The following CNTN4 variants were observed in gnomAD, a reference collection of about 807,000 sequenced individuals.
The protein encoded by CNTN4 is contactin-4.
A neutral mutation model predicts 122.5 loss-of-function variants in CNTN4; 77 were observed. The observed-to-expected ratio is 0.63, with a 90% confidence interval of 0.52 to 0.76. The LOEUF (loss-of-function observed/expected upper bound fraction) is 0.76. CNTN4 is among the 30% of genes least tolerant of loss of function. The pLI, the probability that CNTN4 is intolerant of heterozygous loss-of-function variation, is 0.00. For synonymous variants in CNTN4, 512 were observed against 447.0 expected (o/e 1.15, Z -1.83); for missense variants, 1,256 against 1,259.1 (o/e 1.00, Z 0.04).
At chr3:2,299,013 C>G (rs1449753034) in intron 2 of CNTN4, among the ~76,000 whole-genome samples, 1 of 7,456 alleles carries the variant, frequency 1.3e-4, no homozygotes, top group Non-Finnish European at 4.6e-3. Context: ...TCAAATTTCA[C>G]CTGTCGGGGG....
intron 3 of CNTN4, among the ~76,000 whole-genome samples, chr3:2,370,130 C>G (rs1309681049): frequency 1.3e-5 from 2 of 152,144 alleles, no homozygotes; most frequent in Non-Finnish European, 2.9e-5. Flanking sequence ...TCTCTCTGCT[C>G]TCTTTAATAC....
intron 2 of CNTN4, among the ~76,000 whole-genome samples, chr3:2,241,374 C>G (rs908322951): frequency 6.6e-6 from 1 of 152,118 alleles, no homozygotes; most frequent in African/African-American, 2.4e-5. Flanking sequence ...TATTTCTCCG[C>G]TTTTCTAATC....
chr3:2,814,062 G>A (rs528146613), intron 6 of CNTN4, among the ~76,000 whole-genome samples: 1 of 152,224 alleles, frequency 6.6e-6, no homozygotes, highest in South Asian at 2.1e-4. Flanking sequence ...ACATTCCATA[G>A]GAGAATAAAG....
intron 7 of CNTN4, among the ~76,000 whole-genome samples, chr3:2,855,002 A>G (rs955241432): frequency 6.6e-6 from 1 of 152,248 alleles, no homozygotes; most frequent in African/African-American, 2.4e-5. Context: ...AAATTTTCCT[A>G]CGAAATATAT....
In CNTN4 at chr3:2,230,782, C is replaced by T. The variant is rs145802531; in HGVS notation, c.-144-108396C>T. ...GATGGATTGCTTGAGCCCAGGAGTT[C>T]GAGACCAGCATGGGCAACATAGCAA... On this transcript the variant is annotated intron_variant, in intron 2 of 24. Coordinates refer to ENST00000418658, the MANE Select transcript of CNTN4 (RefSeq NM_175607.3). Among the ~76,000 whole-genome samples, 237 of 152,004 alleles carry T rather than the reference C, an allele frequency of 1.6e-3. 2 individuals are homozygous for T. Among genetic ancestry groups the T allele is most frequent in the African/African-American group, 5.4e-3 (222 of 41,438 alleles).
intron 2 of CNTN4, among the ~76,000 whole-genome samples, chr3:2,331,699 T>C (rs945060501): frequency 1.3e-5 from 2 of 152,078 alleles, no homozygotes; most frequent in Admixed American, 6.6e-5. Flanking sequence ...ATTCCTTGTC[T>C]ATGAGGAACA....
intron 3 of CNTN4, among the ~76,000 whole-genome samples, chr3:2,504,973 A>C (rs903248393): frequency 6.6e-6 from 1 of 152,212 alleles, no homozygotes; most frequent in African/African-American, 2.4e-5. Flanking sequence ...CAGAAACAGG[A>C]AACAAACAAA....
chr3:2,607,936 G>A (rs918993194), intron 4 of CNTN4, among the ~76,000 whole-genome samples: 2 of 152,078 alleles, frequency 1.3e-5, no homozygotes, highest in Admixed American at 1.3e-4. Flanking sequence ...AGCTGTATTT[G>A]ATCACTTCTG....
rs1431715415 is a variant in CNTN4 at position 2,600,005 on chromosome 3, CTTCTTTTTTTTTT to C, written c.55+28450_55+28462del. On this transcript the variant is annotated intron_variant, in intron 4 of 24. Coordinates refer to ENST00000418658, the MANE Select transcript of CNTN4 (RefSeq NM_175607.3). ...CAACTCTATTTTGGTTTATGGAATTCTTCTTTTTTTTTTTTTTTTTTTTTTTTTTTGCCAAAAC... is the reference window on the plus strand; with the variant it reads ...CAACTCTATTTTGGTTTATGGAATTCTTTTTTTTTTTTTTTTTGCCAAAAC... 8.3e-3 allele frequency among the ~76,000 whole-genome samples: 236 copies of C among 28,300 alleles called. 6 individuals carry two copies. The highest frequency in any genetic ancestry group is 0.015 in the Non-Finnish European group (159 of 10,610). The allele number at this position is 28,300 out of a possible 152,430, so 18.6% of individuals were successfully genotyped here. A position where few individuals can be genotyped will look rare whatever the true frequency, so the allele number is the denominator to read the frequency against.
In CNTN4 at chr3:2,747,235, G is replaced by C. The variant is rs185793502; in HGVS notation, c.358+1538G>C. Among the ~76,000 whole-genome samples the C allele has an allele frequency of 8.8e-3, 1,341 of 151,698 alleles. 7 individuals carry two copies. The highest frequency in any genetic ancestry group is 0.018 in the African/African-American group (756 of 41,288). On this transcript the variant is annotated intron_variant, in intron 6 of 24. Transcript: ENST00000418658. ...CCATCCTGGCTAACACGATGAAACCGCGTCTCTACTAAAAATACAAAAAAT... is the reference window on the plus strand; with the variant it reads ...CCATCCTGGCTAACACGATGAAACCCCGTCTCTACTAAAAATACAAAAAAT...
chr3:2,661,272 C>T (rs2083877631), intron 4 of CNTN4, among the ~76,000 whole-genome samples: 1 of 152,070 alleles, frequency 6.6e-6, no homozygotes, highest in Non-Finnish European at 1.5e-5. Context: ...CCAGGCAGCC[C>T]CAAGGAGGAG....
intron 13 of CNTN4, among the ~76,000 whole-genome samples, chr3:2,932,584 G>A (rs528223140): frequency 8.5e-5 from 13 of 152,150 alleles, no homozygotes; most frequent in African/African-American, 2.2e-4. Flanking sequence ...CATCTTCAGA[G>A]CTTAATGAAA....
intron 6 of CNTN4, among the ~76,000 whole-genome samples, chr3:2,750,201 C>T (rs2090023042): frequency 6.6e-6 from 1 of 152,084 alleles, no homozygotes; most frequent in Admixed American, 6.5e-5. Context: ...GCATGCTGGC[C>T]CTACTTTGCT....
intron 4 of CNTN4, among the ~76,000 whole-genome samples, chr3:2,693,310 G>C (rs1374551266): frequency 6.6e-6 from 1 of 152,120 alleles, no homozygotes; most frequent in Non-Finnish European, 1.5e-5. Flanking sequence ...ATATAGAACA[G>C]AGTTATCACA....
intron 3 of CNTN4, among the ~76,000 whole-genome samples, chr3:2,466,529 A>G (rs753204476): frequency 6.6e-6 from 1 of 152,188 alleles, no homozygotes; most frequent in Non-Finnish European, 1.5e-5. Flanking sequence ...CATTTTTAAA[A>G]GGACTGGAAT....
chr3:3,043,287 C>G, intron 22 of CNTN4, 124 bp downstream of exon 22: 1 of 987,346 alleles, frequency 1.0e-6, no homozygotes, highest in Non-Finnish European at 1.6e-6. Flanking sequence ...TCAAATTTCC[C>G]TCAGCATTTT....
chr3:2,602,552 A>C (rs1254485831), intron 4 of CNTN4, among the ~76,000 whole-genome samples: 1 of 152,246 alleles, frequency 6.6e-6, no homozygotes, highest in African/African-American at 2.4e-5. Flanking sequence ...GGACCTCTTC[A>C]AGGAGAACTA....
At chr3:2,823,815 G>C (rs1225980043) in intron 7 of CNTN4, among the ~76,000 whole-genome samples, 1 of 152,102 alleles carries the variant, frequency 6.6e-6, no homozygotes, top group Non-Finnish European at 1.5e-5. Flanking sequence ...TTTTGTTCAT[G>C]CCTTCATTTT....
chr3:2,856,492 C>CT (rs1247881092), intron 7 of CNTN4, among the ~76,000 whole-genome samples: 2 of 152,204 alleles, frequency 1.3e-5, no homozygotes, highest in Non-Finnish European at 1.5e-5. Context: ...GGATCAGTGA[C>CT]TATTTTTCCA....
Sources: gnomAD v4.1 joint callset for allele counts (sites outside exome capture counted in the v4.1 genomes callset) on GRCh38, gnomAD v4.1.1 for gene constraint, MANE v1.5 for transcripts, NCBI Gene and HGNC (gene_info 2026-07-23, HGNC 2026-07-21) for gene names.